The following MFN1 variants were observed in gnomAD, a reference collection of about 807,000 sequenced individuals.
The protein encoded by MFN1 is mitofusin-1.
A neutral mutation model predicts 92.4 loss-of-function variants in MFN1; 65 were observed. That is an observed-to-expected ratio of 0.70 (90% CI 0.58 to 0.86). The LOEUF is 0.86. Among genes scored for constraint, MFN1 ranks in the 40% least tolerant of loss-of-function variants. The probability of loss-of-function intolerance (pLI) is 0.00; values close to 1 mark genes in which losing one functional copy is unlikely to be tolerated. For synonymous variants in MFN1, 297 were observed against 300.9 expected (o/e 0.99, Z 0.13); for missense variants, 781 against 868.0 (o/e 0.90, Z 1.26).
At chr3:179,375,964 G>A (rs116155438) in intron 10 of MFN1, among the ~76,000 whole-genome samples, 1 of 152,306 alleles carries the variant, frequency 6.6e-6, no homozygotes, top group African/African-American at 2.4e-5. Flanking sequence ...TTGAAACACA[G>A]ATCGGGATGT....
At chr3:179,362,060 G>T (rs151193365) in intron 4 of MFN1, among the ~76,000 whole-genome samples, 6 of 152,030 alleles carry the variant, frequency 3.9e-5, no homozygotes, top group African/African-American at 1.2e-4. Context: ...ATTTATTTCA[G>T]TAGAATCAGA....
At chr3:179,348,985 A>T in intron 2 of MFN1, 22 bp downstream of exon 2, 4 of 1,561,062 alleles carry the variant, frequency 2.6e-6, no homozygotes, top group Non-Finnish European at 3.5e-6. Context: ...TTAAGTTTTT[A>T]AAGTAATTAC....
intron 10 of MFN1, among the ~76,000 whole-genome samples, chr3:179,376,440 C>G (rs1477888668): frequency 6.6e-6 from 1 of 152,100 alleles, no homozygotes; most frequent in Non-Finnish European, 1.5e-5. Flanking sequence ...ATTGTATAAT[C>G]ATAATGTCCT....
rs1713924550 is a variant in MFN1, at chr3:179,392,087, T to C, written c.*28T>C. 1 of 1,454,868 alleles carries C rather than the reference T, an allele frequency of 6.9e-7. No individual in the cohort carries two copies. 90.1% of individuals were successfully genotyped at this position (1,454,868 alleles called of 1,614,324 possible). The stretch of plus-strand genomic sequence containing the variant: ...ATAGAGATTGCTTTGGTGACCATGA[T>C]AGGAGGAAACGAAACTTGTAAGATT... On this transcript the variant is annotated 3_prime_UTR_variant, in exon 18 of 18. Transcript: ENST00000471841.
intron 9 of MFN1, among the ~76,000 whole-genome samples, chr3:179,372,080 CAT>C (rs1295778704): frequency 1.4e-5 from 2 of 143,574 alleles, no homozygotes; most frequent in Admixed American, 1.4e-4. Flanking sequence ...TTATATAATA[CAT>C]ATATAAATAT....
chr3:179,353,283 C>G (rs1487665140), intron 3 of MFN1, among the ~76,000 whole-genome samples: 1 of 144,628 alleles, frequency 6.9e-6, no homozygotes, highest in Non-Finnish European at 1.5e-5. Flanking sequence ...CCAGGCTGGT[C>G]TCGAACTACT....
At chr3:179,348,329 T>C (rs116079857) in intron 1 of MFN1, among the ~76,000 whole-genome samples, 10 of 152,250 alleles carry the variant, frequency 6.6e-5, no homozygotes, top group Non-Finnish European at 1.2e-4. Flanking sequence ...CTTAAACTTA[T>C]AGTCCTTGAA....
chr3:179,372,934 A>G (rs1384602125), intron 9 of MFN1, among the ~76,000 whole-genome samples: 1 of 152,230 alleles, frequency 6.6e-6, no homozygotes, highest in Non-Finnish European at 1.5e-5. Context: ...AGTAGTTTAC[A>G]AATGTTCACT....
chr3:179,365,055 TAAAA>T, intron 6 of MFN1, 59 bp from the exon 7 acceptor site: 3 of 954,608 alleles, frequency 3.1e-6, no homozygotes, highest in Non-Finnish European at 3.0e-6. Context: ...CTCATTAAAA[TAAAA>T]TTTCAATTAT....
Position 179,392,264 on chromosome 3 carries a change from AAG to A in MFN1, c.*207_*208del, listed in dbSNP as rs1264503292. The A allele has an allele frequency of 2.6e-5, 10 of 391,046 alleles. No individual in the cohort carries two copies. Among genetic ancestry groups the A allele is most frequent in the Admixed American group, 4.3e-5 (1 of 23,002 alleles). 24.2% of individuals were successfully genotyped at this position (391,046 alleles called of 1,614,324 possible). A position where few individuals can be genotyped will look rare whatever the true frequency, so the allele number is the denominator to read the frequency against. On this transcript the variant is annotated 3_prime_UTR_variant, in exon 18 of 18. Coordinates refer to ENST00000471841, the MANE Select transcript of MFN1 (RefSeq NM_033540.3). Reference sequence around the variant, plus strand: ...ATGTCCTTAGTTTTAATTTTGAGTAAAGAAAAGGCTAAAATCATGAATTAGTT... The same window carrying A: ...ATGTCCTTAGTTTTAATTTTGAGTAAAAAAGGCTAAAATCATGAATTAGTT...
chr3:179,370,398 T>C (rs1712976389), intron 9 of MFN1, among the ~76,000 whole-genome samples: 1 of 138,356 alleles, frequency 7.2e-6, no homozygotes, highest in Non-Finnish European at 1.6e-5. Context: ...AGTTCTTTTT[T>C]TTTTTTTTTT....
chr3:179,367,133 G>A (rs1015107837), intron 7 of MFN1, among the ~76,000 whole-genome samples: 4 of 152,190 alleles, frequency 2.6e-5, no homozygotes, highest in Non-Finnish European at 5.9e-5. Flanking sequence ...TCACCATGTT[G>A]TCCAGGCTGT....
In MFN1 at chr3:179,359,091, C is replaced by T. The variant is rs6779649; in HGVS notation, c.411+89C>T. 0.028 allele frequency: 36,403 copies of T among 1,281,326 alleles called. 6,868 individuals are homozygous for T. In the African/African-American group the frequency reaches 0.44, roughly 16 times the overall value. 79.4% of individuals were successfully genotyped at this position (1,281,326 alleles called of 1,614,324 possible). A position where few individuals can be genotyped will look rare whatever the true frequency, so the allele number is the denominator to read the frequency against. On this transcript the variant is annotated intron_variant, in intron 4 of 17. Transcript: ENST00000471841. ...TAACATTTTTATAAGATGTCTGCATCGCTGACATCTTATAAAAAGAACTGT... is the reference window on the plus strand; with the variant it reads ...TAACATTTTTATAAGATGTCTGCATTGCTGACATCTTATAAAAAGAACTGT...
rs886415967 is a variant in MFN1 at position 179,392,839 on chromosome 3, CTGT to C, written c.*785_*787del. On this transcript the variant is annotated 3_prime_UTR_variant, in exon 18 of 18. Transcript: ENST00000471841. ...GATAAACAGTGATGTTTTAAAAAAG[CTGT>C]TGTTCTTCAGGAGGCATTTGCCTAG... 32 of 152,212 alleles carry C rather than the reference CTGT, an allele frequency of 2.1e-4. 1 individual carries two copies. Among genetic ancestry groups the C allele is most frequent in the Admixed American group, 1.0e-3 (16 of 15,292 alleles). The allele number at this position is 152,212 out of a possible 1,614,324, so 9.4% of individuals were successfully genotyped here. A position where few individuals can be genotyped will look rare whatever the true frequency, so the allele number is the denominator to read the frequency against.
intron 9 of MFN1, among the ~76,000 whole-genome samples, chr3:179,370,455 G>A (rs924416358): frequency 2.1e-5 from 3 of 141,324 alleles, no homozygotes; most frequent in Non-Finnish European, 4.5e-5. Flanking sequence ...GCTGGAATGA[G>A]GGAGTGAGTG....
rs1712027675 is a variant in MFN1, at chr3:179,348,885, G to T, written c.34G>T (p.Val12Leu). ...AEPVSPLKHF[V>L]LAKKAITAIF... ...ACCTGTTTCTCCACTGAAGCACTTTGTGCTGGCTAAGAAGGCGATTACTGC... is the reference window on the plus strand; with the variant it reads ...ACCTGTTTCTCCACTGAAGCACTTTTTGCTGGCTAAGAAGGCGATTACTGC... Residue 12 changes from valine (V) to leucine (L), a missense_variant, in exon 2 of 18, where the codon GTG becomes TTG. Coordinates refer to ENST00000471841, the MANE Select transcript of MFN1 (RefSeq NM_033540.3). 1 of 1,608,946 alleles carries T rather than the reference G, an allele frequency of 6.2e-7. No individual in the cohort carries two copies. Among genetic ancestry groups the T allele is most frequent in the African/African-American group, 1.3e-5 (1 of 74,870 alleles).
intron 14 of MFN1, among the ~76,000 whole-genome samples, chr3:179,382,716 C>T (rs1397773043): frequency 6.6e-6 from 1 of 152,234 alleles, no homozygotes; most frequent in Non-Finnish European, 1.5e-5. Context: ...TATTTCTCCA[C>T]ATCCTCTCCA....
chr3:179,351,686 A>G (rs1047624585), intron 2 of MFN1, among the ~76,000 whole-genome samples: 1 of 152,148 alleles, frequency 6.6e-6, no homozygotes, highest in African/African-American at 2.4e-5. Flanking sequence ...TCCACTTTTG[A>G]CTGTGCCCTT....
intron 16 of MFN1, among the ~76,000 whole-genome samples, chr3:179,388,211 A>T (rs1047825869): frequency 2.6e-5 from 4 of 152,194 alleles, no homozygotes; most frequent in Non-Finnish European, 5.9e-5. Context: ...TTTCTTAATA[A>T]AGAAAACTGA....
Sources: allele counts gnomAD v4.1 joint callset (sites outside exome capture counted in the v4.1 genomes callset), GRCh38; gene constraint gnomAD v4.1.1; transcripts MANE v1.5; gene names NCBI Gene and HGNC (gene_info 2026-07-23, HGNC 2026-07-21).